Variants in ARHGAP15 observed in about 807,000 individuals in gnomAD.
The protein encoded by ARHGAP15 is Rho GTPase activating protein 15.
A neutral mutation model predicts 63.7 loss-of-function variants in ARHGAP15; 51 were observed. That is an observed-to-expected ratio of 0.80 (90% confidence interval 0.64 to 1.01). ARHGAP15 has a LOEUF of 1.01. ARHGAP15 is among the 50% of genes least tolerant of loss of function. ARHGAP15 has a pLI of 0.00. For synonymous variants in ARHGAP15, 191 were observed against 193.8 expected (o/e 0.99, Z 0.12); for missense variants, 560 against 564.6 (o/e 0.99, Z 0.08).
intron 12 of ARHGAP15, among the ~76,000 whole-genome samples, chr2:143,677,718 T>C (rs1199526026): frequency 6.6e-6 from 1 of 152,218 alleles, no homozygotes; most frequent in Non-Finnish European, 1.5e-5. Flanking sequence ...TGTGCCTTCA[T>C]ATAATGAAGT....
chr2:143,708,676 C>T (rs1461575083), intron 13 of ARHGAP15, among the ~76,000 whole-genome samples: 4 of 152,088 alleles, frequency 2.6e-5, no homozygotes, highest in Non-Finnish European at 5.9e-5. Context: ...ATCTAGTCTG[C>T]CGGCCTTTGG....
chr2:143,378,073 A>G (rs941573254), intron 6 of ARHGAP15, among the ~76,000 whole-genome samples: 1 of 152,076 alleles, frequency 6.6e-6, no homozygotes. Flanking sequence ...CATAATGTTT[A>G]CTGAAATTAA....
At chr2:143,285,344 GAT>G (rs1682037721) in intron 6 of ARHGAP15, among the ~76,000 whole-genome samples, 1 of 151,732 alleles carries the variant, frequency 6.6e-6, no homozygotes, top group African/African-American at 2.4e-5. Context: ...AAAACATTAA[GAT>G]ATATAAACAC....
intron 1 of ARHGAP15, among the ~76,000 whole-genome samples, chr2:143,131,144 A>T (rs1275904060): frequency 6.6e-6 from 1 of 152,212 alleles, no homozygotes; most frequent in African/African-American, 2.4e-5. Context: ...ATTTTATGGA[A>T]TATGTGTAAA....
chr2:143,361,677 G>C (rs1686061076), intron 6 of ARHGAP15, among the ~76,000 whole-genome samples: 1 of 151,768 alleles, frequency 6.6e-6, no homozygotes, highest in South Asian at 2.1e-4. Context: ...CATGGACTTT[G>C]GGATTTAAAA....
At position 143,293,520 on chromosome 2, in the gene ARHGAP15, T is replaced by C. The variant is rs962674228; in HGVS notation, c.474+42920T>C. On this transcript the variant is annotated intron_variant, in intron 6 of 13. Coordinates refer to ENST00000295095, the MANE Select transcript of ARHGAP15 (RefSeq NM_018460.4). ...GATTGTTAAAGGCTATCCCAAAACATATCCATTTCGCACAGTTTAGAGTGT... is the reference window on the plus strand; with the variant it reads ...GATTGTTAAAGGCTATCCCAAAACACATCCATTTCGCACAGTTTAGAGTGT... Among the ~76,000 whole-genome samples the C allele has an allele frequency of 3.3e-5, 5 of 152,188 alleles. No individual in the cohort carries two copies. In the East Asian group the frequency reaches 9.7e-4, roughly 29 times the overall value.
chr2:143,163,771 G>C (rs561548123), intron 2 of ARHGAP15, among the ~76,000 whole-genome samples: 3 of 152,240 alleles, frequency 2.0e-5, no homozygotes, highest in Admixed American at 6.5e-5. Flanking sequence ...GACTTAGAAA[G>C]ATTTGCTATT....
intron 6 of ARHGAP15, among the ~76,000 whole-genome samples, chr2:143,301,875 A>G (rs1362089061): frequency 6.6e-6 from 1 of 151,796 alleles, no homozygotes; most frequent in East Asian, 1.9e-4. Context: ...AGACACATAT[A>G]TATGGAGACA....
intron 8 of ARHGAP15, among the ~76,000 whole-genome samples, chr2:143,466,807 G>C (rs1691232349): frequency 6.6e-6 from 1 of 151,988 alleles, no homozygotes; most frequent in Non-Finnish European, 1.5e-5. Context: ...CATATTTTGA[G>C]TAAAAAGGAC....
intron 6 of ARHGAP15, among the ~76,000 whole-genome samples, chr2:143,357,789 A>G (rs1685870954): frequency 6.6e-6 from 1 of 152,220 alleles, no homozygotes. Context: ...GATGAATTAA[A>G]AAGTCGAATC....
At chr2:143,147,774 C>G (rs964761735) in intron 1 of ARHGAP15, among the ~76,000 whole-genome samples, 2 of 151,916 alleles carry the variant, frequency 1.3e-5, no homozygotes, top group Non-Finnish European at 2.9e-5. Context: ...AGTGAAGTAC[C>G]TAAAATTCTG....
At chr2:143,214,533 A>T (rs549618043) in intron 3 of ARHGAP15, among the ~76,000 whole-genome samples, 1 of 152,320 alleles carries the variant, frequency 6.6e-6, no homozygotes, top group South Asian at 2.1e-4. Context: ...AAATGAATAG[A>T]TGTATCCAAA....
At chr2:143,463,269 C>A (rs1046118710) in intron 8 of ARHGAP15, among the ~76,000 whole-genome samples, 1 of 151,914 alleles carries the variant, frequency 6.6e-6, no homozygotes, top group African/African-American at 2.4e-5. Flanking sequence ...AGGCCGGGTG[C>A]GGTGGCTCAC....
intron 6 of ARHGAP15, among the ~76,000 whole-genome samples, chr2:143,304,404 T>C (rs887632169): frequency 6.0e-5 from 9 of 150,788 alleles, no homozygotes; most frequent in African/African-American, 1.9e-4. Flanking sequence ...AATTGAACAA[T>C]GAGAACACAG....
At chr2:143,316,092 T>C (rs1683692074) in intron 6 of ARHGAP15, among the ~76,000 whole-genome samples, 3 of 151,782 alleles carry the variant, frequency 2.0e-5, no homozygotes, top group African/African-American at 2.4e-5. Context: ...GTCTCAAAAA[T>C]AAAAATAAAA....
intron 9 of ARHGAP15, among the ~76,000 whole-genome samples, chr2:143,499,580 A>G (rs1692965733): frequency 6.6e-6 from 1 of 152,188 alleles, no homozygotes; most frequent in South Asian, 2.1e-4. Flanking sequence ...ATAATTCCTG[A>G]GAAACTGAGA....
intron 6 of ARHGAP15, among the ~76,000 whole-genome samples, chr2:143,302,924 C>T (rs1020568917): frequency 2.0e-5 from 3 of 151,986 alleles, no homozygotes; most frequent in South Asian, 2.1e-4. Context: ...TATAAAATTA[C>T]AAGGTATATA....
chr2:143,343,581 G>A (rs1685151322), intron 6 of ARHGAP15, among the ~76,000 whole-genome samples: 1 of 152,044 alleles, frequency 6.6e-6, no homozygotes, highest in African/African-American at 2.4e-5. Context: ...TGGGGGGATG[G>A]ATAGAAACTC....
At chr2:143,570,402 A>G (rs72857926) in intron 11 of ARHGAP15, among the ~76,000 whole-genome samples, 2,707 of 152,350 alleles carry the variant, frequency 0.018, 66 homozygotes, top group Non-Finnish European at 0.025. Flanking sequence ...TGAAAATCAC[A>G]TGCTTATATC....
Sources: gnomAD v4.1 joint callset for allele counts (sites outside exome capture counted in the v4.1 genomes callset) on GRCh38, gnomAD v4.1.1 for gene constraint, MANE v1.5 for transcripts, NCBI Gene and HGNC (gene_info 2026-07-23, HGNC 2026-07-21) for gene names.